The following DCUN1D1 variants were observed in gnomAD, a reference collection of about 807,000 sequenced individuals.
DCUN1D1 encodes DCN1-like protein 1.
DCUN1D1 carries 3 observed loss-of-function variants against 39.0 expected under a neutral mutation model. That is an observed-to-expected ratio of 0.08 (90% CI 0.04 to 0.20). The LOEUF is 0.20. DCUN1D1 is among the 10% of genes least tolerant of loss of function. The probability of loss-of-function intolerance (pLI) is 1.00; values close to 1 mark genes in which losing one functional copy is unlikely to be tolerated. For missense variants in DCUN1D1, 158 were observed against 302.4 expected (o/e 0.52, Z 3.54); for synonymous variants, 82 against 96.3 (o/e 0.85, Z 0.87).
At position 182,943,050 on chromosome 3, in the gene DCUN1D1, A is replaced by G. The variant is rs540795463; in HGVS notation, c.*2044T>C. 6.6e-5 allele frequency: 10 copies of G among 150,688 alleles called. No homozygotes were observed. The South Asian group carries it at 1.3e-3, about 19-fold the overall frequency. 9.3% of individuals were successfully genotyped at this position (150,688 alleles called of 1,614,324 possible). On this transcript the variant is annotated 3_prime_UTR_variant, in exon 7 of 7. Coordinates refer to ENST00000292782, the MANE Select transcript of DCUN1D1 (RefSeq NM_020640.4). ...AAAGGTTTTGCATTTAAAAAGAAAA[A>G]TATGTAAAATCCAAGGCACTAGGCC... is the stretch of plus-strand genomic sequence containing the variant.
intron 4 of DCUN1D1, among the ~76,000 whole-genome samples, chr3:182,954,710 C>T (rs1726938663): frequency 6.6e-6 from 1 of 152,182 alleles, no homozygotes; most frequent in South Asian, 2.1e-4. Flanking sequence ...GCTGCTTCTG[C>T]TTTTTAACAT....
chr3:182,978,789 T>C (rs997658615), intron 1 of DCUN1D1, among the ~76,000 whole-genome samples: 6 of 152,206 alleles, frequency 3.9e-5, no homozygotes, highest in Non-Finnish European at 7.3e-5. Context: ...TAGAATTACA[T>C]GGGTTATGGC....
At chr3:182,967,837 T>G (rs955840883) in intron 1 of DCUN1D1, among the ~76,000 whole-genome samples, 1 of 152,224 alleles carries the variant, frequency 6.6e-6, no homozygotes, top group African/African-American at 2.4e-5. Context: ...TAAATGAAAG[T>G]TAACAAGGAA....
rs576652691 is a variant in DCUN1D1, at chr3:182,943,254, G to GAT, written c.*1838_*1839dup. The GAT allele has an allele frequency of 2.7e-4, 39 of 146,596 alleles. No homozygotes were observed. The highest frequency in any genetic ancestry group is 5.1e-4 in the Non-Finnish European group (34 of 66,668). The allele number at this position is 146,596 out of a possible 1,614,324, so 9.1% of individuals were successfully genotyped here. A position where few individuals can be genotyped will look rare whatever the true frequency, so the allele number is the denominator to read the frequency against. ...AACAGTACATATATATAGATATATA[G>GAT]ATATATATATCTTTTAAAAATTTTT... On this transcript the variant is annotated 3_prime_UTR_variant, in exon 7 of 7. Transcript: ENST00000292782.
At chr3:182,948,843 T>C (rs1326208388) in intron 4 of DCUN1D1, among the ~76,000 whole-genome samples, 2 of 147,314 alleles carry the variant, frequency 1.4e-5, no homozygotes, top group Non-Finnish European at 3.0e-5. Flanking sequence ...AGGTAAGGAG[T>C]TCAAGACCAG....
intron 4 of DCUN1D1, among the ~76,000 whole-genome samples, chr3:182,952,126 C>T (rs766862705): frequency 2.0e-5 from 3 of 152,054 alleles, no homozygotes; most frequent in Non-Finnish European, 4.4e-5. Context: ...GTCATCAGAC[C>T]CTCTGGTTAC....
At position 182,942,287 on chromosome 3, in the gene DCUN1D1, AATT is replaced by A. The variant is rs1240978523; in HGVS notation, c.*2804_*2806del. ...CCATTACAATGCTCTTTCCATGAATAATTATTCTTCCTAGAAAAGTTTTCAGGT... is the reference window on the plus strand; with the variant it reads ...CCATTACAATGCTCTTTCCATGAATAATTCTTCCTAGAAAAGTTTTCAGGT... On this transcript the variant is annotated 3_prime_UTR_variant, in exon 7 of 7. Coordinates refer to ENST00000292782, the MANE Select transcript of DCUN1D1 (RefSeq NM_020640.4). The A allele has an allele frequency of 6.6e-6, 1 of 152,110 alleles. No individual in the cohort carries two copies. Among genetic ancestry groups the A allele is most frequent in the Non-Finnish European group, 1.5e-5 (1 of 67,990 alleles). 9.4% of individuals were successfully genotyped at this position (152,110 alleles called of 1,614,324 possible).
At chr3:182,983,418 T>A (rs1376706322), upstream of DCUN1D1, among the ~76,000 whole-genome samples, 6 of 152,208 alleles carry the variant, frequency 3.9e-5, no homozygotes, top group Non-Finnish European at 8.8e-5. Context: ...ATAATATGCC[T>A]AAAATTCCCT....
chr3:182,954,030 A>G (rs1186514906), intron 4 of DCUN1D1, among the ~76,000 whole-genome samples: 3 of 152,212 alleles, frequency 2.0e-5, no homozygotes, highest in African/African-American at 7.2e-5. Flanking sequence ...ACTGGGGAGG[A>G]TGGAATGGTG....
intron 1 of DCUN1D1, among the ~76,000 whole-genome samples, chr3:182,976,444 T>TACACACACACACACAC (rs59465164): frequency 4.3e-5 from 6 of 140,772 alleles, no homozygotes; most frequent in Admixed American, 2.1e-4. Flanking sequence ...TATACATACA[T>TACACACACACACACAC]ACACACACAC....
In DCUN1D1 at chr3:182,944,948, G is replaced by A. The variant is rs193144565; in HGVS notation, c.*146C>T. On this transcript the variant is annotated 3_prime_UTR_variant, in exon 7 of 7. Coordinates refer to ENST00000292782, the MANE Select transcript of DCUN1D1 (RefSeq NM_020640.4). ...AAGAATGAAATACGATATGGTCCAA[G>A]ATGTATCCTTAAAGTTTTGTCTCAA... is the stretch of plus-strand genomic sequence containing the variant. The A allele has an allele frequency of 8.2e-4, 541 of 663,034 alleles. 2 individuals carry two copies. Among genetic ancestry groups the A allele is most frequent in the Non-Finnish European group, 2.6e-4 (101 of 385,232 alleles). The allele number at this position is 663,034 out of a possible 1,614,324, so 41.1% of individuals were successfully genotyped here.
chr3:182,946,006 G>GATTCCAGGACACTTTTAAATT, intron 6 of DCUN1D1, among the ~76,000 whole-genome samples: 1 of 151,976 alleles, frequency 6.6e-6, no homozygotes, highest in Admixed American at 6.5e-5. Flanking sequence ...ACTTTTAAAT[G>GATTCCAGGACACTTTTAAATT]ATTCCAGGAC....
intron 1 of DCUN1D1, among the ~76,000 whole-genome samples, chr3:182,978,209 T>C (rs1050866841): frequency 1.3e-5 from 2 of 148,698 alleles, no homozygotes; most frequent in Admixed American, 6.7e-5. Context: ...GCTCTAGAAC[T>C]GACAATAACA....
chr3:182,962,572 C>T (rs73066917), intron 3 of DCUN1D1, among the ~76,000 whole-genome samples: 4 of 152,156 alleles, frequency 2.6e-5, no homozygotes, highest in Admixed American at 6.5e-5. Context: ...CCCTCTCCCC[C>T]CAAACCCCAG....
chr3:182,955,735 C>T (rs998202399), intron 4 of DCUN1D1: 2 of 311,344 alleles, frequency 6.4e-6, no homozygotes, highest in African/African-American at 4.5e-5. Flanking sequence ...CACCCACCAC[C>T]ACACCTGGCT....
chr3:182,952,410 G>A (rs1395495396), intron 4 of DCUN1D1, among the ~76,000 whole-genome samples: 4 of 151,448 alleles, frequency 2.6e-5, no homozygotes, highest in East Asian at 3.9e-4. Context: ...ACATTCAACC[G>A]CCCCTAACAG....
chr3:182,950,112 G>A (rs936175688), intron 4 of DCUN1D1, among the ~76,000 whole-genome samples: 1 of 151,726 alleles, frequency 6.6e-6, no homozygotes, highest in Admixed American at 6.6e-5. Flanking sequence ...TTGTTCTCTG[G>A]CATTTCGAAC....
chr3:182,980,287 A>T, intron 1 of DCUN1D1, 200 bp downstream of exon 1: 2 of 325,966 alleles, frequency 6.1e-6, no homozygotes, highest in Non-Finnish European at 8.8e-6. Context: ...GCTCTCGCGT[A>T]GCGGCTGCGC....
intron 6 of DCUN1D1, among the ~76,000 whole-genome samples, chr3:182,945,886 A>C (rs1357579250): frequency 2.0e-5 from 3 of 152,332 alleles, no homozygotes; most frequent in South Asian, 2.1e-4. Context: ...CACAATTATT[A>C]GGTATATGCA....
Sources: gnomAD v4.1 joint callset for allele counts (sites outside exome capture counted in the v4.1 genomes callset) on GRCh38, gnomAD v4.1.1 for gene constraint, MANE v1.5 for transcripts, NCBI Gene and HGNC (gene_info 2026-07-23, HGNC 2026-07-21) for gene names.